Variants in DOK2 observed in about 807,000 individuals in gnomAD.
DOK2 encodes docking protein 2.
Under a neutral mutation model 26.0 loss-of-function variants are expected in DOK2, and 28 were observed. That is an observed-to-expected ratio of 1.08 (90% CI 0.80 to 1.48). The LOEUF is 1.48. Among genes scored for constraint, DOK2 ranks in the 40% most tolerant of loss-of-function variants. The probability of loss-of-function intolerance (pLI) is 0.00; values close to 1 mark genes in which losing one functional copy is unlikely to be tolerated. For missense variants in DOK2, 682 were observed against 558.2 expected (o/e 1.22, Z -2.23); for synonymous variants, 282 against 236.9 (o/e 1.19, Z -1.75).
At position 21,912,399 on chromosome 8, in the gene DOK2, C is replaced by G. The variant is rs762517469; in HGVS notation, c.175G>C (p.Val59Leu). The G allele has an allele frequency of 3.8e-6, 6 of 1,595,880 alleles. No individual in the cohort carries two copies. In the Admixed American group the frequency reaches 8.6e-5, roughly 23 times the overall value. The change falls in exon 2 of 5, where the codon GTC (valine) becomes CTC (leucine). Residue 59 changes from valine to leucine, a missense_variant. Coordinates refer to ENST00000276420, the MANE Select transcript of DOK2 (RefSeq NM_003974.4). The part of the protein sequence containing the change: ...KPRRCEAARK[V>L]IRLSDCLRVA... ...CGCAGGCAGTCACTGAGGCGGATGA[C>G]CTTCCGGGCAGCCTCACACCGACGA...
In DOK2 at chr8:21,911,333, G is replaced by A. The variant is rs540031727; in HGVS notation, c.434-476C>T. 1.8e-4 allele frequency among the ~76,000 whole-genome samples: 28 copies of A among 152,286 alleles called. 1 individual carries two copies. Among genetic ancestry groups the A allele is most frequent in the Admixed American group, 2.6e-4 (4 of 15,298 alleles). On this transcript the variant is annotated intron_variant, in intron 3 of 4. Transcript: ENST00000276420. ...TCAAAAGCAACACCTGGGGCCAGGCGCAGTGGCTCATGCCTGTAATCCCAA... is the reference window on the plus strand; with the variant it reads ...TCAAAAGCAACACCTGGGGCCAGGCACAGTGGCTCATGCCTGTAATCCCAA...
intron 4 of DOK2, 143 bp from the exon 5 acceptor site, chr8:21,910,074 C>G (rs530735039): frequency 1.0e-6 from 1 of 959,426 alleles, no homozygotes; most frequent in Non-Finnish European, 1.5e-6. Context: ...CTCCGCCTCC[C>G]AGGTTCAAGC....
intron 1 of DOK2, 197 bp from the exon 2 acceptor site, chr8:21,912,707 A>C: frequency 1.7e-6 from 1 of 596,904 alleles, no homozygotes. Context: ...AAAATCGGAG[A>C]TCAGCCGCCA....
In DOK2 at chr8:21,909,425, G is replaced by C; in HGVS notation, c.1125C>G (p.Asp375Glu). The change falls in exon 5 of 5, where the codon GAC becomes GAG. Residue 375 changes from aspartate to glutamate, a missense_variant. Transcript: ENST00000276420. ...CATGCTGGAGGCCAGCAGGGTCCCTGTCAGCTGTCGCCTGCCTCCTCCATG... is the reference window on the plus strand; with the variant it reads ...CATGCTGGAGGCCAGCAGGGTCCCTCTCAGCTGTCGCCTGCCTCCTCCATG... ...GEAWRRQATA[D>E]RDPAGLQHVQ... The C allele has an allele frequency of 6.2e-7, 1 of 1,612,814 alleles. No homozygotes were observed.
chr8:21,913,281 T>C (rs1563300657), intron 1 of DOK2, among the ~76,000 whole-genome samples: 1 of 152,086 alleles, frequency 6.6e-6, no homozygotes, highest in Non-Finnish European at 1.5e-5. Context: ...AGGCAAGAGA[T>C]GAAAGCAGCA....
At position 21,909,589 on chromosome 8, in the gene DOK2, G is replaced by A. The variant is rs1809744028; in HGVS notation, c.961C>T (p.Pro321Ser). ...AGAGGGTCGGCCAGGAGCTGAGGAG[G>A]GACTGCCAAGATGCCCCTGAAGTTC... ...GKNFRGILAV[P>S]PQLLADPLYD... is the part of the protein sequence containing the mutation. The change falls in exon 5 of 5, where the codon CCT (proline) becomes TCT (serine). Residue 321 changes from proline to serine, a missense_variant. Physicochemically the swap from Pro to Ser is moderately conservative, Grantham distance 74. Coordinates refer to ENST00000276420, the MANE Select transcript of DOK2 (RefSeq NM_003974.4). The A allele has an allele frequency of 1.9e-6, 3 of 1,614,042 alleles. No individual in the cohort carries two copies. In the East Asian group the frequency reaches 6.7e-5, roughly 36 times the overall value.
chr8:21,912,006 C>G lies in DOK2; in HGVS notation c.346-18G>C. 1 of 1,544,560 alleles carries G rather than the reference C, an allele frequency of 6.5e-7. No homozygotes were observed. The highest frequency in any genetic ancestry group is 1.7e-4 in the Middle Eastern group (1 of 5,908). ...CTCTGCCCCTAGGGAGGAGGCGCCC[C>G]GTCTCATCACCTTCCCCGATCCCCA... On this transcript the variant is annotated intron_variant, in intron 2 of 4. Transcript: ENST00000276420.
intron 4 of DOK2, 75 bp downstream of exon 4, chr8:21,910,598 C>T: frequency 6.4e-7 from 1 of 1,568,966 alleles, no homozygotes. Context: ...CTCCCATCCC[C>T]TCGCTGCTTC....
chr8:21,910,698 A>G lies in DOK2; in HGVS notation c.593T>C (p.Phe198Ser). 2 of 1,614,048 alleles carry G rather than the reference A, an allele frequency of 1.2e-6. No individual in the cohort carries two copies. Among genetic ancestry groups the G allele is most frequent in the Non-Finnish European group, 1.7e-6 (2 of 1,180,030 alleles). The change falls in exon 4 of 5, where the codon TTT (phenylalanine) becomes TCT (serine). Residue 198 changes from phenylalanine to serine, a missense_variant. Coordinates refer to ENST00000276420, the MANE Select transcript of DOK2 (RefSeq NM_003974.4). ...CTTGTCCCGCCCAAAGCGCCGCAGAAACCTGTAGGGCCAGTCGTACAGCTG... is the reference window on the plus strand; with the variant it reads ...CTTGTCCCGCCCAAAGCGCCGCAGAGACCTGTAGGGCCAGTCGTACAGCTG... ...GTQLYDWPYRFLRRFGRDKVT... is the reference protein window; with the variant it reads ...GTQLYDWPYRSLRRFGRDKVT...
rs377500664 is a variant in DOK2, at chr8:21,910,773, C to T, written c.518G>A (p.Arg173Gln). 3.0e-5 allele frequency: 49 copies of T among 1,613,806 alleles called. No individual in the cohort carries two copies. The highest frequency in any genetic ancestry group is 1.3e-4 in the South Asian group (12 of 91,034). ...RCHLRGSYTL[R>Q]AGESALELWG... ...CAGCTCCAGGGCACTCTCCCCAGCCCGGAGGGTATAGGACCCCCGCAGGTG... is the reference window on the plus strand; with the variant it reads ...CAGCTCCAGGGCACTCTCCCCAGCCTGGAGGGTATAGGACCCCCGCAGGTG... The change falls in exon 4 of 5, where the codon CGG (arginine) becomes CAG (glutamine). Residue 173 changes from arginine (R) to glutamine (Q), a missense_variant. Transcript: ENST00000276420.
At position 21,912,501 on chromosome 8, in the gene DOK2, G is replaced by C. The variant is rs1275278721; in HGVS notation, c.73C>G (p.Arg25Gly). The C allele has an allele frequency of 2.0e-6, 3 of 1,520,684 alleles. No homozygotes were observed. Among genetic ancestry groups the C allele is most frequent in the Admixed American group, 4.2e-5 (2 of 47,222 alleles). The allele number at this position is 1,520,684 out of a possible 1,614,324, so 94.2% of individuals were successfully genotyped here. A position where few individuals can be genotyped will look rare whatever the true frequency, so the allele number is the denominator to read the frequency against. Residue 25 changes from arginine (R) to glycine (G), a missense_variant, in exon 2 of 5, where the codon CGC (arginine) becomes GGC (glycine). Arg to Gly is a moderately radical substitution (Grantham distance 125). Coordinates refer to ENST00000276420, the MANE Select transcript of DOK2 (RefSeq NM_003974.4). ...QQQTFGKKWR[R>G]FGASLYGGSD... The stretch of plus-strand genomic sequence containing the variant: ...CCTCCATACAGTGAGGCGCCGAAGC[G>C]GCGCCATTTCTGTGCCAGAGGCGTG...
Position 21,909,586 on chromosome 8 carries a change from G to T in DOK2, c.964C>A (p.Pro322Thr). The change falls in exon 5 of 5, where the codon CCT (proline) becomes ACT (threonine). Residue 322 changes from proline to threonine, a missense_variant. Pro to Thr is a conservative substitution (Grantham distance 38). Coordinates refer to ENST00000276420, the MANE Select transcript of DOK2 (RefSeq NM_003974.4). ...KNFRGILAVP[P>T]QLLADPLYDS... Reference sequence around the variant, plus strand: ...TACAGAGGGTCGGCCAGGAGCTGAGGAGGGACTGCCAAGATGCCCCTGAAG... The same window carrying T: ...TACAGAGGGTCGGCCAGGAGCTGAGTAGGGACTGCCAAGATGCCCCTGAAG... 2 of 1,614,130 alleles carry T rather than the reference G, an allele frequency of 1.2e-6. No homozygotes were observed. The highest frequency in any genetic ancestry group is 1.7e-6 in the Non-Finnish European group (2 of 1,180,038).
Position 21,909,184 on chromosome 8 carries a change from C to G in DOK2, c.*127G>C, listed in dbSNP as rs1809712080. On this transcript the variant is annotated 3_prime_UTR_variant, in exon 5 of 5. Transcript: ENST00000276420. ...GCAGGCCCTGGGAGAGGCAATTTAT[C>G]AGCCCCAACGAAGACAGGCCAGGCC... 1 of 1,212,448 alleles carries G rather than the reference C, an allele frequency of 8.2e-7. No individual in the cohort carries two copies. The allele number at this position is 1,212,448 out of a possible 1,614,324, so 75.1% of individuals were successfully genotyped here.
chr8:21,911,150 C>T (rs866205399), intron 3 of DOK2: 15 of 416,884 alleles, frequency 3.6e-5, no homozygotes, highest in Middle Eastern at 6.2e-4. Flanking sequence ...ACAGTCTTGT[C>T]TTCCCCACCC....
intron 1 of DOK2, 51 bp downstream of exon 1, chr8:21,913,488 C>T (rs972971082): frequency 1.2e-6 from 2 of 1,608,556 alleles, no homozygotes; most frequent in Non-Finnish European, 1.7e-6. Flanking sequence ...CCCAGGAATT[C>T]TAGCAGCCTC....
Position 21,909,538 on chromosome 8 carries a change from G to A in DOK2, c.1012C>T (p.Pro338Ser), listed in dbSNP as rs758848269. The A allele has an allele frequency of 9.3e-6, 15 of 1,614,058 alleles. No homozygotes were observed. Among genetic ancestry groups the A allele is most frequent in the Non-Finnish European group, 1.2e-5 (14 of 1,180,048 alleles). ...TCGTATATGTGGTCAGGTCGAGGGG[G>A]CAGGGTCTCCTCAATGCTGTCGTAC... ...PLYDSIEETL[P>S]PRPDHIYDEP... The change falls in exon 5 of 5, where the codon CCC becomes TCC. Residue 338 changes from proline to serine, a missense_variant. Pro to Ser is a moderately conservative substitution (Grantham distance 74). Transcript: ENST00000276420.
chr8:21,909,456 C>T lies in DOK2; in HGVS notation c.1094G>A (p.Gly365Asp). The stretch of plus-strand genomic sequence containing the variant: ...TGTCGCCTGCCTCCTCCATGCCTCA[C>T]CCCGGGGCTCCTGCGGGCTGTCATA... ...SLYDSPQEPR[G>D]EAWRRQATAD... The change falls in exon 5 of 5, where the codon GGT becomes GAT. Residue 365 changes from glycine to aspartate, a missense_variant. Gly to Asp is a moderately conservative substitution (Grantham distance 94, BLOSUM62 -1). Coordinates refer to ENST00000276420, the MANE Select transcript of DOK2 (RefSeq NM_003974.4). 3 of 1,613,546 alleles carry T rather than the reference C, an allele frequency of 1.9e-6. No individual in the cohort carries two copies. Among genetic ancestry groups the T allele is most frequent in the Non-Finnish European group, 1.7e-6 (2 of 1,179,612 alleles).
Position 21,909,100 on chromosome 8 carries a change from T to G in DOK2, c.*211A>C. ...GAAAGAGGAGGAAGTGGAAAAAGAG[T>G]AGGAGGAGGGTGGTTCTCTCCAGGG... On this transcript the variant is annotated 3_prime_UTR_variant, in exon 5 of 5. Transcript: ENST00000276420. 1.0e-5 allele frequency: 5 copies of G among 485,002 alleles called. No homozygotes were observed. The highest frequency in any genetic ancestry group is 9.1e-5 in the South Asian group (2 of 21,904). 30.0% of individuals were successfully genotyped at this position (485,002 alleles called of 1,614,324 possible).
Position 21,909,757 on chromosome 8 carries a change from G to T in DOK2, c.793C>A (p.Pro265Thr). Residue 265 changes from proline (P) to threonine (T), a missense_variant, in exon 5 of 5, where the codon CCC (proline) becomes ACC (threonine). Transcript: ENST00000276420. ...PQPATIPASL[P>T]RPDSPYSRPH... ...CGAGAGTAGGGGCTATCAGGCCGGGGCAGCGACGCGGGGATTGTGGCTGGC... is the reference window on the plus strand; with the variant it reads ...CGAGAGTAGGGGCTATCAGGCCGGGTCAGCGACGCGGGGATTGTGGCTGGC... 1 of 1,613,828 alleles carries T rather than the reference G, an allele frequency of 6.2e-7. No individual in the cohort carries two copies. The highest frequency in any genetic ancestry group is 8.5e-7 in the Non-Finnish European group (1 of 1,180,026).
Sources: allele counts gnomAD v4.1 joint callset (sites outside exome capture counted in the v4.1 genomes callset), GRCh38; gene constraint gnomAD v4.1.1; transcripts MANE v1.5; gene names NCBI Gene and HGNC (gene_info 2026-07-23, HGNC 2026-07-21).